Variants in NUDT4 observed in about 807,000 individuals in gnomAD.
NUDT4 encodes nudix hydrolase 4.
NUDT4 carries 5 observed loss-of-function variants against 23.1 expected under a neutral mutation model. The observed-to-expected ratio is 0.22, with a 90% confidence interval of 0.11 to 0.46. The LOEUF (loss-of-function observed/expected upper bound fraction) is 0.46. Ranked by LOEUF, NUDT4 falls within the 20% of genes least tolerant of loss-of-function variation. The pLI is 0.99. For synonymous variants in NUDT4, 50 were observed against 79.0 expected (o/e 0.63, Z 1.95); for missense variants, 96 against 211.6 (o/e 0.45, Z 3.39).
rs752315682 is a variant in NUDT4, at chr12:93,405,906, TATC to T, written c.*6530_*6532del. On this transcript the variant is annotated 3_prime_UTR_variant, in exon 5 of 5. Coordinates refer to ENST00000415493, the MANE Select transcript of NUDT4 (RefSeq NM_019094.6). ...TAAAGCAATAAATTAGGTACCCTATTATCATGGTATTTTCTTTTTTGGCCAGCT... is the reference window on the plus strand; with the variant it reads ...TAAAGCAATAAATTAGGTACCCTATTATGGTATTTTCTTTTTTGGCCAGCT... The T allele has an allele frequency of 4.6e-5, 7 of 152,256 alleles. No homozygotes were observed. The highest frequency in any genetic ancestry group is 2.0e-4 in the Admixed American group (3 of 15,286). 9.4% of individuals were successfully genotyped at this position (152,256 alleles called of 1,614,324 possible).
chr12:93,391,379 A>G (rs1876488436), intron 1 of NUDT4, among the ~76,000 whole-genome samples: 1 of 151,960 alleles, frequency 6.6e-6, no homozygotes, highest in East Asian at 1.9e-4. Context: ...AGTCTGGCCA[A>G]CGTGGCGAAA....
intron 3 of NUDT4, 63 bp downstream of exon 3, chr12:93,395,596 CA>C: frequency 7.8e-7 from 1 of 1,273,974 alleles, no homozygotes; most frequent in Non-Finnish European, 1.1e-6. Flanking sequence ...CCTAACCAAC[CA>C]AATAATGTGG....
At chr12:93,397,582 A>G (rs1323351744) in intron 3 of NUDT4, among the ~76,000 whole-genome samples, 2 of 151,966 alleles carry the variant, frequency 1.3e-5, no homozygotes, top group Non-Finnish European at 2.9e-5. Context: ...GCTTTAGTGC[A>G]GTGGCATGAT....
intron 1 of NUDT4, among the ~76,000 whole-genome samples, chr12:93,385,754 A>G (rs765866007): frequency 1.2e-4 from 18 of 151,848 alleles, no homozygotes; most frequent in South Asian, 4.2e-4. Flanking sequence ...GGGGCTTAGG[A>G]GCAGCTGCCT....
intron 1 of NUDT4, among the ~76,000 whole-genome samples, chr12:93,389,640 C>T (rs1290613241): frequency 6.6e-6 from 1 of 151,826 alleles, no homozygotes; most frequent in Non-Finnish European, 1.5e-5. Flanking sequence ...CGGTGGCTGA[C>T]ACCTGTAACC....
At position 93,377,964 on chromosome 12, in the gene NUDT4, G is replaced by A; in HGVS notation, c.-359G>A. 3.9e-6 allele frequency: 1 copy of A among 256,044 alleles called. No individual in the cohort carries two copies. The highest frequency in any genetic ancestry group is 7.8e-6 in the Non-Finnish European group (1 of 129,004). The allele number at this position is 256,044 out of a possible 1,614,324, so 15.9% of individuals were successfully genotyped here. On this transcript the variant is annotated 5_prime_UTR_variant, in exon 1 of 5. Coordinates refer to ENST00000415493, the MANE Select transcript of NUDT4 (RefSeq NM_019094.6). ...TGCTGCTCAGTGGGAGCGGGTCTTC[G>A]CAACTGTCTCCGCGTGGCGCGCGCC...
At chr12:93,398,338 C>CAAAAAAAA (rs34651915) in intron 3 of NUDT4, among the ~76,000 whole-genome samples, 5 of 75,274 alleles carry the variant, frequency 6.6e-5, no homozygotes, top group African/African-American at 6.0e-5. Flanking sequence ...CTCCCTGTCT[C>CAAAAAAAA]AAAAAAAAAA....
At position 93,403,540 on chromosome 12, in the gene NUDT4, C is replaced by CA. The variant is rs1447901114; in HGVS notation, c.*4164dup. 6.6e-6 allele frequency: 1 copy of CA among 152,200 alleles called. No homozygotes were observed. The highest frequency in any genetic ancestry group is 1.9e-4 in the East Asian group (1 of 5,188). 9.4% of individuals were successfully genotyped at this position (152,200 alleles called of 1,614,324 possible). A position where few individuals can be genotyped will look rare whatever the true frequency, so the allele number is the denominator to read the frequency against. On this transcript the variant is annotated 3_prime_UTR_variant, in exon 5 of 5. Transcript: ENST00000415493. ...TTCACCATATTGGCCAGGCTGGTCT[C>CA]AAACTCCTGACCTCGTGATCCGCCT...
chr12:93,386,222 C>T (rs1421824519), intron 1 of NUDT4, among the ~76,000 whole-genome samples: 2 of 151,962 alleles, frequency 1.3e-5, no homozygotes, highest in East Asian at 3.9e-4. Flanking sequence ...GTCCGCCTGC[C>T]TTGGCTTCCC....
chr12:93,395,834 C>T (rs1412161285), intron 3 of NUDT4, among the ~76,000 whole-genome samples: 1 of 152,178 alleles, frequency 6.6e-6, no homozygotes, highest in Non-Finnish European at 1.5e-5. Flanking sequence ...AATTCTCCTG[C>T]CTCGTCCTCC....
chr12:93,397,904 G>C (rs1407585990), intron 3 of NUDT4, among the ~76,000 whole-genome samples: 1 of 152,086 alleles, frequency 6.6e-6, no homozygotes, highest in African/African-American at 2.4e-5. Flanking sequence ...CTCTTACAAA[G>C]GTCCTAAAGG....
In NUDT4 at chr12:93,386,101, G is replaced by A. The variant is rs190224699; in HGVS notation, c.99+7680G>A. 1.8e-3 allele frequency among the ~76,000 whole-genome samples: 273 copies of A among 151,348 alleles called. 2 individuals are homozygous for A. The highest frequency in any genetic ancestry group is 5.9e-3 in the African/African-American group (243 of 41,270). ...GATGATTCTCCCACCTCAGCCCCCC[G>A]AGTAGCTTGGACTACAGGTACATGC... On this transcript the variant is annotated intron_variant, in intron 1 of 4. Transcript: ENST00000415493.
chr12:93,394,614 G>A lies in NUDT4; in HGVS notation c.105G>A (p.Leu35=), dbSNP rs948481375. Residue 35 remains leucine (L), a synonymous_variant, in exon 2 of 5, where the codon CTG becomes CTA. Transcript: ENST00000415493. ...AGTTATGGTTCACCTTACAGGTGCTGCTGGTGAGTAGCAGCCGGTACCCAG... is the reference window on the plus strand; with the variant it reads ...AGTTATGGTTCACCTTACAGGTGCTACTGGTGAGTAGCAGCCGGTACCCAG... The part of the protein sequence containing the change: ...CFRSEQEDEV[L]LVSSSRYPDQ... The A allele has an allele frequency of 3.2e-6, 5 of 1,546,016 alleles. No homozygotes were observed. Among genetic ancestry groups the A allele is most frequent in the Non-Finnish European group, 4.4e-6 (5 of 1,141,490 alleles).
chr12:93,380,236 A>G (rs1375978932), intron 1 of NUDT4, among the ~76,000 whole-genome samples: 1 of 152,212 alleles, frequency 6.6e-6, no homozygotes, highest in Non-Finnish European at 1.5e-5. Flanking sequence ...CTTGGAATTC[A>G]GGCTTTGTAA....
chr12:93,378,563 C>T, intron 1 of NUDT4, 142 bp downstream of exon 1: 2 of 1,306,370 alleles, frequency 1.5e-6, no homozygotes, highest in Non-Finnish European at 9.8e-7. Flanking sequence ...TCCTCCCTCA[C>T]TCCTTTCCTC....
At chr12:93,398,696 A>AT (rs1877122820) in intron 3 of NUDT4, 75 bp from the exon 4 acceptor site, 1 of 1,011,614 alleles carries the variant, frequency 9.9e-7, no homozygotes, top group Middle Eastern at 2.1e-4. Context: ...TGCCAGACTA[A>AT]TTTTTTTCCC....
At chr12:93,392,365 C>T (rs1364476175) in intron 1 of NUDT4, among the ~76,000 whole-genome samples, 1 of 148,682 alleles carries the variant, frequency 6.7e-6, no homozygotes, top group Non-Finnish European at 1.5e-5. Context: ...AAGTGATTCT[C>T]CTGCCACAGC....
At chr12:93,399,107 G>C in intron 4 of NUDT4, 70 bp from the exon 5 acceptor site, 1 of 1,094,652 alleles carries the variant, frequency 9.1e-7, no homozygotes, top group Non-Finnish European at 1.4e-6. Flanking sequence ...CGGGGAGTAA[G>C]TGGACATTAC....
intron 1 of NUDT4, among the ~76,000 whole-genome samples, chr12:93,383,227 A>G (rs1486065391): frequency 6.6e-6 from 1 of 152,164 alleles, no homozygotes; most frequent in Non-Finnish European, 1.5e-5. Context: ...TTATCTACCA[A>G]TCCCATATAA....
Sources: allele counts gnomAD v4.1 joint callset (sites outside exome capture counted in the v4.1 genomes callset), GRCh38; gene constraint gnomAD v4.1.1; transcripts MANE v1.5; gene names NCBI Gene and HGNC (gene_info 2026-07-23, HGNC 2026-07-21).